Variants in MTCL2 observed in about 807,000 individuals in gnomAD.
MTCL2 encodes the protein microtubule crosslinking factor 2.
chr20:36,834,886 C>T, the MTCL2 span, among the ~76,000 whole-genome samples: 3 of 151,932 alleles, frequency 2.0e-5, no homozygotes, highest in Non-Finnish European at 4.4e-5. Flanking sequence ...CCTGTAATCC[C>T]AGCTACTTGG....
chr20:36,807,199 G>A, the MTCL2 span, among the ~76,000 whole-genome samples: 1 of 152,198 alleles, frequency 6.6e-6, no homozygotes, highest in East Asian at 1.9e-4. Context: ...GGAGGAGCTG[G>A]TGGCCTGCGA....
the MTCL2 span, chr20:36,815,021 C>T: frequency 3.6e-6 from 4 of 1,121,742 alleles, no homozygotes; most frequent in Non-Finnish European, 5.0e-6. This position sits in a 1 kb window ranked among gnomAD's most constrained non-coding sequence, Gnocchi z 5.3. Context: ...GAGATTGCAC[C>T]ACTGCACTTC....
chr20:36,816,358 C>T, the MTCL2 span: 1 of 1,443,378 alleles, frequency 6.9e-7, no homozygotes, highest in Non-Finnish European at 9.3e-7. Context: ...CTGGGAGTCT[C>T]AGTACCAGCC....
chr20:36,808,533 C>T, the MTCL2 span: 26 of 1,600,632 alleles, frequency 1.6e-5, no homozygotes, highest in East Asian at 1.8e-4. Flanking sequence ...TCATCCCCTT[C>T]GCTGGGCAAA....
At chr20:36,861,397 C>T in the MTCL2 span, among the ~76,000 whole-genome samples, 7 of 152,304 alleles carry the variant, frequency 4.6e-5, no homozygotes, top group Admixed American at 4.6e-4. Context: ...TTGATTCAGA[C>T]AGACCTTGTC....
At chr20:36,853,702 GGTGTGTGTGTGTGTGTGT>G in the MTCL2 span, among the ~76,000 whole-genome samples, 33 of 143,934 alleles carry the variant, frequency 2.3e-4, 1 homozygote, top group African/African-American at 7.3e-4. Context: ...ATCAGGGAGG[GGTGTGTGTGTGTGTGTGT>G]GTGTGTGTGT....
the MTCL2 span, chr20:36,817,365 T>G: frequency 6.5e-7 from 1 of 1,527,728 alleles, no homozygotes; most frequent in South Asian, 1.2e-5. Flanking sequence ...CAGGCTCAGG[T>G]CTTCAGAATA....
At chr20:36,830,924 A>G in the MTCL2 span, among the ~76,000 whole-genome samples, 2 of 152,184 alleles carry the variant, frequency 1.3e-5, no homozygotes, top group South Asian at 2.1e-4. Context: ...CCTGAGACCT[A>G]TATCTAGTTG....
At chr20:36,833,502 C>T in the MTCL2 span, among the ~76,000 whole-genome samples, 3 of 152,268 alleles carry the variant, frequency 2.0e-5, no homozygotes, top group African/African-American at 4.8e-5. Context: ...CCCCTCGGCT[C>T]CTGGGCCTCT....
At chr20:36,857,075 T>A in the MTCL2 span, among the ~76,000 whole-genome samples, 1 of 151,828 alleles carries the variant, frequency 6.6e-6, no homozygotes, top group Admixed American at 6.6e-5. Flanking sequence ...GGTACCCGGG[T>A]GGTGAGCTTG....
At chr20:36,783,693 C>T in the MTCL2 span, 5 of 902,094 alleles carry the variant, frequency 5.5e-6, no homozygotes, top group Non-Finnish European at 6.6e-6. Context: ...CAGGGAATCC[C>T]CACTGTGGGT....
chr20:36,833,026 T>C, the MTCL2 span, among the ~76,000 whole-genome samples: 1 of 151,970 alleles, frequency 6.6e-6, no homozygotes, highest in African/African-American at 2.4e-5. Context: ...TTTCATCCCG[T>C]TGGGAAGCAC....
At chr20:36,805,499 G>GCCAT in the MTCL2 span, among the ~76,000 whole-genome samples, 1 of 152,080 alleles carries the variant, frequency 6.6e-6, no homozygotes, top group East Asian at 1.9e-4. Flanking sequence ...TACCTCCCAA[G>GCCAT]CCATACTCAA....
the MTCL2 span, among the ~76,000 whole-genome samples, chr20:36,787,208 T>G: frequency 2.0e-5 from 3 of 151,918 alleles, no homozygotes; most frequent in African/African-American, 7.3e-5. Context: ...AATAACTGAT[T>G]TATATACCCA....
the MTCL2 span, chr20:36,839,196 G>A: frequency 1.3e-6 from 2 of 1,575,458 alleles, no homozygotes; most frequent in Admixed American, 3.4e-5. This position sits in a 1 kb window ranked among gnomAD's most constrained non-coding sequence, Gnocchi z 5.1. Flanking sequence ...CAGCAACAAG[G>A]GCACCCGAGC....
At chr20:36,851,238 A>G in the MTCL2 span, among the ~76,000 whole-genome samples, 2 of 152,104 alleles carry the variant, frequency 1.3e-5, no homozygotes, top group African/African-American at 2.4e-5. Context: ...AGTATATTGT[A>G]TATAGTTGTA....
chr20:36,802,517 G>A, the MTCL2 span, among the ~76,000 whole-genome samples: 12 of 152,136 alleles, frequency 7.9e-5, no homozygotes, highest in Middle Eastern at 3.2e-3. Flanking sequence ...TAGGCTCCAG[G>A]GGTGGGCACA....
the MTCL2 span, chr20:36,803,232 G>C: frequency 7.2e-7 from 1 of 1,393,380 alleles, no homozygotes; most frequent in Non-Finnish European, 9.5e-7. Context: ...CCCCTCACTA[G>C]GGACTAACCC....
At chr20:36,794,180 T>C in the MTCL2 span, 5 of 1,549,022 alleles carry the variant, frequency 3.2e-6, no homozygotes, top group Admixed American at 7.9e-5. This position sits in a 1 kb window ranked among gnomAD's most constrained non-coding sequence, Gnocchi z 5.4. Flanking sequence ...CCACCGACCA[T>C]AGGAGCTCTC....
Sources: allele counts gnomAD v4.1 joint callset (sites outside exome capture counted in the v4.1 genomes callset), GRCh38; gene constraint gnomAD v4.1.1; non-coding constraint Gnocchi (gnomAD v3.1); transcripts MANE v1.5; gene names NCBI Gene and HGNC (gene_info 2026-07-23, HGNC 2026-07-21).